NDOR1: variants seen among roughly 807,000 people sequenced by gnomAD.
NDOR1 encodes NADPH dependent diflavin oxidoreductase 1, also known as NADPH-dependent diflavin oxidoreductase 1.
A neutral mutation model predicts 67.2 loss-of-function variants in NDOR1; 61 were observed. The ratio of observed to expected loss-of-function variants is 0.91; its 90% confidence interval spans 0.74 to 1.12. The LOEUF is 1.12. NDOR1 is among the 50% of genes most tolerant of loss of function. The pLI, the probability that NDOR1 is intolerant of heterozygous loss-of-function variation, is 0.00. For synonymous variants in NDOR1, 378 were observed against 343.7 expected, an observed-to-expected ratio of 1.10 and a Z score of -1.10; for missense variants, 878 against 802.8, an observed-to-expected ratio of 1.09 and a Z score of -1.13.
chr9:137,207,864 G>A (rs1279055111), intron 2 of NDOR1, among the ~76,000 whole-genome samples: 1 of 152,178 alleles, frequency 6.6e-6, no homozygotes, highest in Non-Finnish European at 1.5e-5. Flanking sequence ...TTGAGTGCGG[G>A]CCGGCTGCGG....
chr9:137,218,530 GCTGCTGCTGGTCTTCACGCCGCTC>G lies in NDOR1; in HGVS notation c.*2125_*2148del, dbSNP rs1483581085. The G allele has an allele frequency of 5.0e-6, 2 of 401,226 alleles. No homozygotes were observed. The highest frequency in any genetic ancestry group is 2.1e-5 in the African/African-American group (1 of 48,686). 24.9% of individuals were successfully genotyped at this position (401,226 alleles called of 1,614,324 possible). A position where few individuals can be genotyped will look rare whatever the true frequency, so the allele number is the denominator to read the frequency against. ...GCCTGCTGGCCCTTGAGCTTCTGGG[GCTGCTGCTGGTCTTCACGCCGCTC>G]CTGCTGCTGGGACTGCTCTTCGTGC... On this transcript the variant is annotated 3_prime_UTR_variant, in exon 14 of 14. Coordinates refer to ENST00000684003, the MANE Select transcript of NDOR1 (RefSeq NM_014434.4).
At position 137,212,642 on chromosome 9, in the gene NDOR1, G is replaced by A. The variant is rs2131371328; in HGVS notation, c.311+43G>A. 3 of 1,560,402 alleles carry A rather than the reference G, an allele frequency of 1.9e-6. No homozygotes were observed. Among genetic ancestry groups the A allele is most frequent in the East Asian group, 2.2e-5 (1 of 44,530 alleles). On this transcript the variant is annotated intron_variant, in intron 3 of 13. Transcript: ENST00000684003. This position sits in a 1 kb window ranked among gnomAD's most constrained non-coding sequence, Gnocchi z 4.3. ...CAGTGGGCGGACGGAACAGTTCTGG[G>A]GGTCGAGCAACAGGTGTGCTGGCAG...
At position 137,218,771 on chromosome 9, in the gene NDOR1, C is replaced by G. The variant is rs1564406283; in HGVS notation, c.*2355C>G. Reference sequence around the variant, plus strand: ...CCCATTGCTGAACCCACAACCAGGGCTACCCAGAGGCCTGACCCTGCCAGA... The same window carrying G: ...CCCATTGCTGAACCCACAACCAGGGGTACCCAGAGGCCTGACCCTGCCAGA... On this transcript the variant is annotated 3_prime_UTR_variant, in exon 14 of 14. Coordinates refer to ENST00000684003, the MANE Select transcript of NDOR1 (RefSeq NM_014434.4). 2.5e-6 allele frequency: 1 copy of G among 397,186 alleles called. No individual in the cohort carries two copies. The highest frequency in any genetic ancestry group is 3.6e-5 in the East Asian group (1 of 28,058). The allele number at this position is 397,186 out of a possible 1,614,324, so 24.6% of individuals were successfully genotyped here. A position where few individuals can be genotyped will look rare whatever the true frequency, so the allele number is the denominator to read the frequency against.
Position 137,215,198 on chromosome 9 carries a change from T to C in NDOR1, c.1169T>C (p.Leu390Pro), listed in dbSNP as rs1835493524. 6 of 1,610,534 alleles carry C rather than the reference T, an allele frequency of 3.7e-6. No individual in the cohort carries two copies. The highest frequency in any genetic ancestry group is 5.1e-6 in the Non-Finnish European group (6 of 1,178,810). ...RPRAFSIASSLLTHPSRLQIL... is the reference protein window; with the variant it reads ...RPRAFSIASSPLTHPSRLQIL... ...AGGGCCTTCTCCATCGCCTCCTCGC[T>C]GCTGGTGAGGGGCCTGGTGGTTGGA... is the stretch of plus-strand genomic sequence containing the variant. Residue 390 changes from leucine (L) to proline (P), a missense_variant, in exon 9 of 14, where the codon CTG becomes CCG. Transcript: ENST00000684003.
chr9:137,214,341 A>G lies in NDOR1; in HGVS notation c.650A>G (p.Gln217Arg), dbSNP rs369326691. The part of the protein sequence containing the change: ...KPFLAPMISN[Q>R]RVTGPSHFQD... ...TTCCTAGCACCCATGATCTCCAACC[A>G]GAGAGTCACCGGCCCCTCCCACTTC... The change falls in exon 6 of 14, where the codon CAG becomes CGG. Residue 217 changes from glutamine to arginine, a missense_variant. Gln to Arg is a conservative substitution (Grantham distance 43). Coordinates refer to ENST00000684003, the MANE Select transcript of NDOR1 (RefSeq NM_014434.4). 5 of 1,613,960 alleles carry G rather than the reference A, an allele frequency of 3.1e-6. No individual in the cohort carries two copies. The highest frequency in any genetic ancestry group is 4.2e-6 in the Non-Finnish European group (5 of 1,180,002).
rs142353569 is a variant in NDOR1, at chr9:137,214,342, G to T, written c.651G>T (p.Gln217His). 430 of 1,614,148 alleles carry T rather than the reference G, an allele frequency of 2.7e-4. No individual in the cohort carries two copies. The highest frequency in any genetic ancestry group is 8.3e-4 in the Middle Eastern group (5 of 6,060). The change falls in exon 6 of 14, where the codon CAG becomes CAT. Residue 217 changes from glutamine (Q) to histidine (H), a missense_variant. By Grantham distance (24) the Gln-to-His change is conservative. Transcript: ENST00000684003. ...KPFLAPMISN[Q>H]RVTGPSHFQD... ...TCCTAGCACCCATGATCTCCAACCAGAGAGTCACCGGCCCCTCCCACTTCC... is the reference window on the plus strand; with the variant it reads ...TCCTAGCACCCATGATCTCCAACCATAGAGTCACCGGCCCCTCCCACTTCC...
rs935497690 is a variant in NDOR1 at position 137,217,429 on chromosome 9, C to T, written c.*1013C>T. The T allele has an allele frequency of 5.2e-5, 8 of 152,416 alleles. No individual in the cohort carries two copies. Among genetic ancestry groups the T allele is most frequent in the African/African-American group, 1.9e-4 (8 of 41,458 alleles). 9.4% of individuals were successfully genotyped at this position (152,416 alleles called of 1,614,324 possible). On this transcript the variant is annotated 3_prime_UTR_variant, in exon 14 of 14. Coordinates refer to ENST00000684003, the MANE Select transcript of NDOR1 (RefSeq NM_014434.4). ...AGGAGGGGGCGTGGTTGTGCAGCCC[C>T]ACCCCCGGGAGGGGCTTTAGGCACT...
chr9:137,215,072 ACC>A (rs1835482587), intron 8 of NDOR1, 21 bp from the exon 9 acceptor site: 1 of 1,613,272 alleles, frequency 6.2e-7, no homozygotes, highest in East Asian at 2.2e-5. Flanking sequence ...CGCTGCAGCC[ACC>A]CTGAGACTCT....
rs1435267934 is a variant in NDOR1, at chr9:137,218,065, AGAG to A, written c.*1656_*1658del. On this transcript the variant is annotated 3_prime_UTR_variant, in exon 14 of 14. Transcript: ENST00000684003. Reference sequence around the variant, plus strand: ...GAGAGCAGGCAGCAGGGCAGGGGGAAGAGGAGGAGTGCCCGATCTGCACAGAGC... The same window carrying A: ...GAGAGCAGGCAGCAGGGCAGGGGGAAGAGGAGTGCCCGATCTGCACAGAGC... 5.0e-6 allele frequency: 2 copies of A among 399,244 alleles called. No homozygotes were observed. The highest frequency in any genetic ancestry group is 6.3e-4 in the Middle Eastern group (1 of 1,594). 24.7% of individuals were successfully genotyped at this position (399,244 alleles called of 1,614,324 possible). A position where few individuals can be genotyped will look rare whatever the true frequency, so the allele number is the denominator to read the frequency against.
chr9:137,214,975 A>G lies in NDOR1; in HGVS notation c.1022A>G (p.Glu341Gly). The G allele has an allele frequency of 6.2e-7, 1 of 1,613,366 alleles. No individual in the cohort carries two copies. The highest frequency in any genetic ancestry group is 1.1e-5 in the South Asian group (1 of 91,074). Reference sequence around the variant, plus strand: ...TTCAGTTCTGCCCAAGGCCAGGAGGAGCTCTTTGAATACTGCAACCGGCCC... The same window carrying G: ...TTCAGTTCTGCCCAAGGCCAGGAGGGGCTCTTTGAATACTGCAACCGGCCC... Reference protein sequence around the residue: ...LEFSSAQGQEELFEYCNRPRR... With the variant: ...LEFSSAQGQEGLFEYCNRPRR... Residue 341 changes from glutamate to glycine, a missense_variant, in exon 8 of 14, where the codon GAG becomes GGG. Glu to Gly is a moderately conservative substitution (Grantham distance 98). Transcript: ENST00000684003.
intron 2 of NDOR1, among the ~76,000 whole-genome samples, chr9:137,207,992 A>G (rs967325424): frequency 1.3e-5 from 2 of 151,578 alleles, no homozygotes; most frequent in African/African-American, 4.9e-5. Context: ...AATTACAACA[A>G]TTAGCTGGGC....
intron 9 of NDOR1, 79 bp from the exon 10 acceptor site, chr9:137,215,328 G>T: frequency 6.5e-7 from 1 of 1,550,022 alleles, no homozygotes; most frequent in Middle Eastern, 1.7e-4. Context: ...TGCCTCTGCG[G>T]GAGGTAGGTG....
Position 137,214,913 on chromosome 9 carries a change from A to G in NDOR1, c.960A>G (p.Leu320=), listed in dbSNP as rs140542110. The change falls in exon 8 of 14, where the codon CTA becomes CTG. Residue 320 remains leucine (L), a synonymous_variant. Coordinates refer to ENST00000684003, the MANE Select transcript of NDOR1 (RefSeq NM_014434.4). ...RRSFFELLAC[L]SLHELEREKL... is the part of the protein sequence containing the mutation. ...CCTTCTTCGAACTCCTGGCCTGTCT[A>G]TCCCTCCATGAGCTGGAGCGGGAGA... The G allele has an allele frequency of 1.2e-4, 191 of 1,613,036 alleles. No individual in the cohort carries two copies. The African/African-American group carries it at 2.2e-3, about 19-fold the overall frequency.
At position 137,212,467 on chromosome 9, in the gene NDOR1, C is replaced by A. The variant is rs374168258; in HGVS notation, c.214-35C>A. On this transcript the variant is annotated intron_variant, in intron 2 of 13. Coordinates refer to ENST00000684003, the MANE Select transcript of NDOR1 (RefSeq NM_014434.4). The surrounding 1 kb of genome is among the most constrained non-coding windows in gnomAD (Gnocchi z 4.3). The stretch of plus-strand genomic sequence containing the variant: ...CCTGCTGTGGGGCTAGCCTAGAGGT[C>A]GAGGACTCTGACTCAGAGTTTCCTC... 2 of 1,589,292 alleles carry A rather than the reference C, an allele frequency of 1.3e-6. No individual in the cohort carries two copies. The highest frequency in any genetic ancestry group is 2.7e-5 in the African/African-American group (2 of 74,364).
chr9:137,210,310 C>A lies in NDOR1; in HGVS notation c.214-2192C>A, dbSNP rs193005325. Among the ~76,000 whole-genome samples, 902 of 152,288 alleles carry A rather than the reference C, an allele frequency of 5.9e-3. 7 individuals carry two copies. The highest frequency in any genetic ancestry group is 8.2e-3 in the Non-Finnish European group (560 of 68,018). On this transcript the variant is annotated intron_variant, in intron 2 of 13. Coordinates refer to ENST00000684003, the MANE Select transcript of NDOR1 (RefSeq NM_014434.4). Reference sequence around the variant, plus strand: ...CCATCAACGGCTCACTGCCCCCTGACCTTCCAGACTCAGGTGATCCTCCCA... The same window carrying A: ...CCATCAACGGCTCACTGCCCCCTGAACTTCCAGACTCAGGTGATCCTCCCA...
chr9:137,214,000 C>T lies in NDOR1; in HGVS notation c.444C>T (p.Asp148=), dbSNP rs370350153. 9 of 1,554,522 alleles carry T rather than the reference C, an allele frequency of 5.8e-6. No individual in the cohort carries two copies. The African/African-American group carries it at 1.2e-4, about 21-fold the overall frequency. ...PDAAVDPWLR[D]LWDRVLGLYP... ...CTGCTGTGGACCCCTGGCTGCGAGA[C>T]TTGTGGGACAGGGTTCTGGGGCTGT... is the stretch of plus-strand genomic sequence containing the variant. Residue 148 remains aspartate, a synonymous_variant, in exon 5 of 14, where the codon GAC becomes GAT. Transcript: ENST00000684003.
chr9:137,208,591 A>G (rs985271450), intron 2 of NDOR1, among the ~76,000 whole-genome samples: 2 of 151,494 alleles, frequency 1.3e-5, no homozygotes, highest in Non-Finnish European at 3.0e-5. Flanking sequence ...AATCCCAGCA[A>G]TTTGGGAGGC....
intron 4 of NDOR1, 28 bp from the exon 5 acceptor site, chr9:137,213,939 T>TCAGGCCAGCGCACGTGCTCCCTCC: frequency 6.3e-7 from 1 of 1,578,550 alleles, no homozygotes; most frequent in Non-Finnish European, 8.6e-7. Context: ...CAGGGTCCGC[T>TCAGGCCAGCGCACGTGCTCCCTCC]CAGGCCAGCG....
chr9:137,206,888 C>T (rs1484669518), intron 2 of NDOR1, among the ~76,000 whole-genome samples: 1 of 152,056 alleles, frequency 6.6e-6, no homozygotes, highest in Non-Finnish European at 1.5e-5. Context: ...AGCTGAGTCA[C>T]GGAAGGATGC....
Sources: allele counts gnomAD v4.1 joint callset (sites outside exome capture counted in the v4.1 genomes callset), GRCh38; gene constraint gnomAD v4.1.1; non-coding constraint Gnocchi (gnomAD v3.1); transcripts MANE v1.5; gene names NCBI Gene and HGNC (gene_info 2026-07-23, HGNC 2026-07-21).